SUCLA2: variants seen among roughly 807,000 people sequenced by gnomAD.
SUCLA2 encodes succinate--CoA ligase [ADP-forming] subunit beta, mitochondrial.
In SUCLA2, 30 loss-of-function variants were observed where a neutral mutation model predicts 54.8. The ratio of observed to expected loss-of-function variants is 0.55; its 90% CI spans 0.41 to 0.74. The LOEUF (loss-of-function observed/expected upper bound fraction) is 0.74. Among genes scored for constraint, SUCLA2 ranks in the 30% least tolerant of loss-of-function variants. SUCLA2 has a pLI of 0.00. For missense variants in SUCLA2, 476 were observed against 562.9 expected (o/e 0.85, Z 1.56); for synonymous variants, 172 against 188.9 (o/e 0.91, Z 0.74).
At chr13:47,945,422 C>CTAAAA (rs1949721484) in intron 10 of SUCLA2, among the ~76,000 whole-genome samples, 1 of 50,008 alleles carries the variant, frequency 2.0e-5, no homozygotes, top group African/African-American at 8.6e-5. Flanking sequence ...GACTCAGTCT[C>CTAAAA]AAAAAAAAAA....
At chr13:47,983,740 C>G (rs1484263548) in intron 4 of SUCLA2, among the ~76,000 whole-genome samples, 1 of 152,098 alleles carries the variant, frequency 6.6e-6, no homozygotes, top group Non-Finnish European at 1.5e-5. Context: ...CCACCCGCCT[C>G]GGCCTCTCAA....
Position 47,961,497 on chromosome 13 carries a change from C to T in SUCLA2, c.803-6940G>A, listed in dbSNP as rs914513519. ...CTTTCTATAAGCAAAATTTCAAGAT[C>T]GAAATTCAGTCTTTTTGACCTCAAA... On this transcript the variant is annotated intron_variant, in intron 6 of 10. Coordinates refer to ENST00000646932, the MANE Select transcript of SUCLA2 (RefSeq NM_003850.3). Among the ~76,000 whole-genome samples the T allele has an allele frequency of 4.7e-5, 7 of 148,056 alleles. No individual in the cohort carries two copies. In the South Asian group the frequency reaches 1.1e-3, roughly 23 times the overall value.
intron 6 of SUCLA2, among the ~76,000 whole-genome samples, chr13:47,961,125 C>T (rs1358987271): frequency 6.6e-6 from 1 of 152,092 alleles, no homozygotes; most frequent in African/African-American, 2.4e-5. Flanking sequence ...TATGGTCAAA[C>T]TGATTAAAAT....
At chr13:48,000,259 C>T (rs905667160) in intron 1 of SUCLA2, among the ~76,000 whole-genome samples, 1 of 152,100 alleles carries the variant, frequency 6.6e-6, no homozygotes, top group Non-Finnish European at 1.5e-5. Flanking sequence ...CCAATAATGC[C>T]CTTCCACAGT....
intron 6 of SUCLA2, 75 bp from the exon 7 acceptor site, chr13:47,954,632 T>A: frequency 6.8e-7 from 1 of 1,472,304 alleles, no homozygotes; most frequent in Non-Finnish European, 9.4e-7. Context: ...TCAAATGGTC[T>A]TTCATTTAGG....
intron 1 of SUCLA2, 76 bp from the exon 2 acceptor site, chr13:47,997,099 A>G (rs112987066): frequency 6.8e-7 from 1 of 1,468,350 alleles, no homozygotes; most frequent in Non-Finnish European, 9.5e-7. Context: ...GTTCTTCATA[A>G]CTATAACAAA....
intron 4 of SUCLA2, among the ~76,000 whole-genome samples, chr13:47,979,578 T>C (rs913637847): frequency 6.6e-6 from 1 of 152,152 alleles, no homozygotes; most frequent in African/African-American, 2.4e-5. Flanking sequence ...ATGGCACGTG[T>C]ATACCTATGT....
rs752235971 is a variant in SUCLA2, at chr13:47,954,128, C to G, written c.1107+12G>C. On this transcript the variant is annotated intron_variant, in intron 8 of 10. Transcript: ENST00000646932. Reference sequence around the variant, plus strand: ...TTACATGATATAAAAATATATCAAGCCCTGCCCTTACCTTTTTATCTGAAG... The same window carrying G: ...TTACATGATATAAAAATATATCAAGGCCTGCCCTTACCTTTTTATCTGAAG... 7 of 1,611,072 alleles carry G rather than the reference C, an allele frequency of 4.3e-6. No homozygotes were observed. The African/African-American group carries it at 9.4e-5, about 22-fold the overall frequency.
intron 5 of SUCLA2, among the ~76,000 whole-genome samples, chr13:47,970,975 G>A (rs1949957784): frequency 2.0e-5 from 3 of 151,878 alleles, no homozygotes. Context: ...GGCAGAGCTT[G>A]CAGTGAGTCA....
chr13:47,990,545 G>A (rs1950141775), intron 2 of SUCLA2, among the ~76,000 whole-genome samples: 1 of 152,090 alleles, frequency 6.6e-6, no homozygotes, highest in Non-Finnish European at 1.5e-5. Context: ...GCCTCTCATA[G>A]CATTTTGCCC....
chr13:47,986,392 G>T, intron 4 of SUCLA2, among the ~76,000 whole-genome samples: 1 of 152,154 alleles, frequency 6.6e-6, no homozygotes, highest in South Asian at 2.1e-4. Context: ...GGGGTTGTTT[G>T]CTTTTTTTCT....
intron 1 of SUCLA2, among the ~76,000 whole-genome samples, chr13:48,000,669 T>C (rs1438208234): frequency 6.6e-6 from 1 of 152,202 alleles, no homozygotes; most frequent in African/African-American, 2.4e-5. Context: ...TAGAACAGTA[T>C]ACAACTACTT....
chr13:47,990,032 G>C (rs1593501459), intron 2 of SUCLA2, among the ~76,000 whole-genome samples: 3 of 152,102 alleles, frequency 2.0e-5, no homozygotes, highest in African/African-American at 7.2e-5. Context: ...GTTTAGCCTA[G>C]ATAGTACTCA....
intron 2 of SUCLA2, among the ~76,000 whole-genome samples, chr13:47,996,621 T>A (rs774889808): frequency 6.6e-6 from 1 of 151,968 alleles, no homozygotes; most frequent in Admixed American, 6.6e-5. Context: ...CTAATGCCAA[T>A]GTAAGTGACT....
At chr13:47,973,497 C>T in intron 4 of SUCLA2, 105 bp from the exon 5 acceptor site, 1 of 1,290,684 alleles carries the variant, frequency 7.7e-7, no homozygotes, top group Admixed American at 1.8e-5. Flanking sequence ...ATCTATTACT[C>T]TCTACCCACA....
At chr13:47,956,681 T>C (rs1441080831) in intron 6 of SUCLA2, among the ~76,000 whole-genome samples, 1 of 152,212 alleles carries the variant, frequency 6.6e-6, no homozygotes, top group Non-Finnish European at 1.5e-5. Flanking sequence ...AGGGGCAGTT[T>C]TGTCCCACAG....
At chr13:47,999,493 G>C (rs747623486) in intron 1 of SUCLA2, among the ~76,000 whole-genome samples, 1 of 152,104 alleles carries the variant, frequency 6.6e-6, no homozygotes, top group African/African-American at 2.4e-5. Context: ...GGATCACGAG[G>C]TCAGGAGATC....
intron 1 of SUCLA2, among the ~76,000 whole-genome samples, chr13:48,000,004 T>C (rs1227819030): frequency 2.6e-5 from 4 of 152,214 alleles, no homozygotes; most frequent in African/African-American, 9.6e-5. Flanking sequence ...TTCCCCATTT[T>C]CTAAAAACTA....
At chr13:47,985,539 C>T (rs1195856392) in intron 4 of SUCLA2, among the ~76,000 whole-genome samples, 1 of 152,152 alleles carries the variant, frequency 6.6e-6, no homozygotes, top group African/African-American at 2.4e-5. Context: ...CTTCCAACTC[C>T]ATCCATATCC....
Sources: gnomAD v4.1 joint callset for allele counts (sites outside exome capture counted in the v4.1 genomes callset) on GRCh38, gnomAD v4.1.1 for gene constraint, MANE v1.5 for transcripts, NCBI Gene and HGNC (gene_info 2026-07-23, HGNC 2026-07-21) for gene names.